Variants in ALMS1 observed in about 807,000 individuals in gnomAD.
ALMS1 encodes the protein ALMS1 centrosome and basal body associated protein, also known as centrosome-associated protein ALMS1.
Under a neutral mutation model 352.2 loss-of-function variants are expected in ALMS1, and 271 were observed. That is an observed-to-expected ratio of 0.77 (90% CI 0.70 to 0.85). The LOEUF (loss-of-function observed/expected upper bound fraction) is 0.85. ALMS1 is among the 40% of genes least tolerant of loss of function. The pLI is 0.00. For synonymous variants in ALMS1, 1,865 were observed against 1,761.2 expected (o/e 1.06, Z -1.48); for missense variants, 5,445 against 4,870.7 (o/e 1.12, Z -3.51).
intron 12 of ALMS1, among the ~76,000 whole-genome samples, chr2:73,546,661 A>G (rs772585654): frequency 8.5e-5 from 13 of 152,234 alleles, no homozygotes; most frequent in Non-Finnish European, 1.8e-4. Flanking sequence ...CCAGGAAGAA[A>G]CTTTTGAGCT....
intron 15 of ALMS1, among the ~76,000 whole-genome samples, chr2:73,567,730 C>T (rs1027615914): frequency 6.6e-6 from 1 of 152,086 alleles, no homozygotes; most frequent in East Asian, 1.9e-4. Flanking sequence ...CTACTTTACT[C>T]CTGTCACCAA....
chr2:73,486,433 G>C (rs563507042), intron 9 of ALMS1, among the ~76,000 whole-genome samples: 45 of 152,240 alleles, frequency 3.0e-4, no homozygotes, highest in African/African-American at 1.1e-3. Flanking sequence ...TTTCTGTGAT[G>C]GTTGGCTGGA....
chr2:73,450,027 A>G lies in ALMS1; in HGVS notation c.3500A>G (p.Glu1167Gly). ...QALPGTHIPEEAQKVSAVTGP... is the reference protein window; with the variant it reads ...QALPGTHIPEGAQKVSAVTGP... ...TTGCCAGGTACTCATATACCTGAAG[A>G]GGCTCAGAAAGTTTCAGCTGTTACT... Residue 1167 changes from glutamate to glycine, a missense_variant, in exon 8 of 23, where the codon GAG becomes GGG. Transcript: ENST00000613296. 3.7e-6 allele frequency: 6 copies of G among 1,614,002 alleles called. No individual in the cohort carries two copies. The highest frequency in any genetic ancestry group is 5.1e-6 in the Non-Finnish European group (6 of 1,179,964).
chr2:73,563,557 C>T (rs965327374), intron 15 of ALMS1, among the ~76,000 whole-genome samples: 67 of 151,688 alleles, frequency 4.4e-4, no homozygotes, highest in African/African-American at 1.6e-3. Context: ...CCCGTCTCTA[C>T]TAAAAATACA....
intron 14 of ALMS1, among the ~76,000 whole-genome samples, chr2:73,558,630 GT>G (rs1674592840): frequency 6.6e-6 from 1 of 152,084 alleles, no homozygotes; most frequent in Non-Finnish European, 1.5e-5. Context: ...CCATTCTTGT[GT>G]TATGTAGTCA....
At chr2:73,563,774 A>G (rs1252346086) in intron 15 of ALMS1, among the ~76,000 whole-genome samples, 2 of 151,508 alleles carry the variant, frequency 1.3e-5, no homozygotes, top group African/African-American at 2.4e-5. Context: ...GAATTATATG[A>G]AAACAACTCT....
At chr2:73,481,156 C>T (rs1476853123) in intron 9 of ALMS1, among the ~76,000 whole-genome samples, 1 of 152,170 alleles carries the variant, frequency 6.6e-6, no homozygotes, top group African/African-American at 2.4e-5. Flanking sequence ...TTGCCCACAC[C>T]TATGTCCTGA....
At position 73,450,213 on chromosome 2, in the gene ALMS1, CTG is replaced by C. The variant is rs1296683633; in HGVS notation, c.3687_3688del (p.Gly1230AspfsTer26). 4.3e-6 allele frequency: 7 copies of C among 1,614,006 alleles called. No homozygotes were observed. The highest frequency in any genetic ancestry group is 1.3e-5 in the African/African-American group (1 of 74,914). ...GTTCTTGGACCAGCTGACCAGAAGACTGGGACACCAACTCCAACCTCTGCTTC... is the reference window on the plus strand; with the variant it reads ...GTTCTTGGACCAGCTGACCAGAAGACGGACACCAACTCCAACCTCTGCTTC... On this transcript the variant is annotated frameshift_variant, in exon 8 of 23. Coordinates refer to ENST00000613296, the MANE Select transcript of ALMS1 (RefSeq NM_001378454.1). LOFTEE classifies it high-confidence loss of function.
intron 9 of ALMS1, among the ~76,000 whole-genome samples, chr2:73,476,912 T>G (rs1220579217): frequency 2.0e-5 from 3 of 152,150 alleles, no homozygotes; most frequent in African/African-American, 7.2e-5. Context: ...CAAAACAAAC[T>G]GATATAAGTT....
At chr2:73,465,200 A>G (rs1412748364) in intron 9 of ALMS1, among the ~76,000 whole-genome samples, 4 of 152,138 alleles carry the variant, frequency 2.6e-5, no homozygotes, top group Non-Finnish European at 4.4e-5. Flanking sequence ...AGCCAAAAGA[A>G]CAAAGCTGGA....
At chr2:73,538,133 G>T (rs1274297557) in intron 12 of ALMS1, among the ~76,000 whole-genome samples, 3 of 152,128 alleles carry the variant, frequency 2.0e-5, no homozygotes, top group Non-Finnish European at 4.4e-5. Flanking sequence ...CAGCATAGGA[G>T]AAAATATTTG....
intron 9 of ALMS1, among the ~76,000 whole-genome samples, chr2:73,474,740 A>G (rs1032262651): frequency 1.3e-5 from 2 of 152,154 alleles, no homozygotes; most frequent in Admixed American, 6.6e-5. Flanking sequence ...TAGCATCTGG[A>G]AATCAGTAAA....
rs1489069840 is a variant in ALMS1 at position 73,490,210 on chromosome 2, A to T, written c.8251A>T (p.Asn2751Tyr). Residue 2751 changes from asparagine to tyrosine, a missense_variant, in exon 10 of 23, where the codon AAT (asparagine) becomes TAT (tyrosine). Transcript: ENST00000613296. ...TACTGGAGCATCTGTGGGGGTATTTAATTCTCATTTCACTGAAGAACAAAA... is the reference window on the plus strand; with the variant it reads ...TACTGGAGCATCTGTGGGGGTATTTTATTCTCATTTCACTGAAGAACAAAA... ...QCTGASVGVF[N>Y]SHFTEEQNPP... is the part of the protein sequence containing the mutation. 2 of 1,614,056 alleles carry T rather than the reference A, an allele frequency of 1.2e-6. No homozygotes were observed. The highest frequency in any genetic ancestry group is 2.7e-5 in the African/African-American group (2 of 74,928).
intron 21 of ALMS1, among the ~76,000 whole-genome samples, chr2:73,604,467 C>G (rs944209026): frequency 6.6e-6 from 1 of 152,116 alleles, no homozygotes; most frequent in African/African-American, 2.4e-5. Flanking sequence ...CATGAGAATG[C>G]CAGAGAATAA....
intron 11 of ALMS1, among the ~76,000 whole-genome samples, chr2:73,529,332 C>T (rs1572997741): frequency 6.6e-6 from 1 of 152,338 alleles, no homozygotes; most frequent in Non-Finnish European, 1.5e-5. Context: ...GCGTGAGCCA[C>T]TGCACCCAGC....
At chr2:73,499,979 A>T (rs1293290869) in intron 10 of ALMS1, among the ~76,000 whole-genome samples, 1 of 152,164 alleles carries the variant, frequency 6.6e-6, no homozygotes, top group Non-Finnish European at 1.5e-5. Context: ...TGCTGGTCCC[A>T]TGCTTCTTAC....
chr2:73,585,380 AATG>A (rs1311184131), intron 16 of ALMS1, among the ~76,000 whole-genome samples: 4 of 149,428 alleles, frequency 2.7e-5, no homozygotes, highest in Non-Finnish European at 4.4e-5. Context: ...CCTTACAATT[AATG>A]ATGATGAGCT....
At chr2:73,483,709 A>G (rs1672763196) in intron 9 of ALMS1, among the ~76,000 whole-genome samples, 1 of 150,164 alleles carries the variant, frequency 6.7e-6, no homozygotes, top group Non-Finnish European at 1.5e-5. Context: ...TGGGAGTCTA[A>G]GTCTCTTTGT....
chr2:73,475,981 A>T (rs1436943585), intron 9 of ALMS1, among the ~76,000 whole-genome samples: 1 of 151,908 alleles, frequency 6.6e-6, no homozygotes, highest in African/African-American at 2.4e-5. Flanking sequence ...TTGTTGTTTA[A>T]CCAATCTCTA....
Sources: allele counts gnomAD v4.1 joint callset (sites outside exome capture counted in the v4.1 genomes callset), GRCh38; gene constraint gnomAD v4.1.1; transcripts MANE v1.5; gene names NCBI Gene and HGNC (gene_info 2026-07-23, HGNC 2026-07-21).